The following ARHGAP12 variants were observed in gnomAD, a reference collection of about 807,000 sequenced individuals.
ARHGAP12 encodes Rho GTPase activating protein 12.
A neutral mutation model predicts 108.6 loss-of-function variants in ARHGAP12; 64 were observed. That is an observed-to-expected ratio of 0.59 (90% CI 0.48 to 0.73). ARHGAP12 has a LOEUF of 0.73. Ranked by LOEUF, ARHGAP12 falls within the 30% of genes least tolerant of loss-of-function variation. The pLI is 0.00. For synonymous variants in ARHGAP12, 312 were observed against 337.2 expected (o/e 0.93, Z 0.82); for missense variants, 940 against 1,005.9 (o/e 0.93, Z 0.89).
At chr10:31,914,355 G>A (rs1438421026) in intron 1 of ARHGAP12, among the ~76,000 whole-genome samples, 1 of 151,814 alleles carries the variant, frequency 6.6e-6, no homozygotes, top group Non-Finnish European at 1.5e-5. Flanking sequence ...TATATGGTGA[G>A]AGAGAATCTA....
intron 6 of ARHGAP12, among the ~76,000 whole-genome samples, chr10:31,846,004 T>C (rs116636270): frequency 0.022 from 3,309 of 152,298 alleles, 141 homozygotes; most frequent in African/African-American, 0.075. Context: ...CAATTTTTAC[T>C]ATTATATTTT....
chr10:31,816,640 C>G (rs893705121), intron 13 of ARHGAP12, among the ~76,000 whole-genome samples: 2 of 152,064 alleles, frequency 1.3e-5, no homozygotes, highest in African/African-American at 2.4e-5. Flanking sequence ...GGGCCTACAC[C>G]GCTGAATTTT....
At chr10:31,894,456 A>T (rs1461568283) in intron 3 of ARHGAP12, among the ~76,000 whole-genome samples, 2 of 152,148 alleles carry the variant, frequency 1.3e-5, no homozygotes, top group African/African-American at 4.8e-5. Context: ...CACCAATAAC[A>T]GACAAACAGA....
Position 31,852,582 on chromosome 10 carries a change from C to T in ARHGAP12, c.1105G>A (p.Asp369Asn), listed in dbSNP as rs1564390238. The T allele has an allele frequency of 1.2e-6, 2 of 1,612,890 alleles. No homozygotes were observed. The highest frequency in any genetic ancestry group is 1.7e-6 in the Non-Finnish European group (2 of 1,179,072). ...YTNEKWLKHV[D>N]DQGRQYYYSA... ...TAGTAATATTGTCTACCTTGATCATCAACATGCTTGAGCCACTATAAAAAC... is the reference window on the plus strand; with the variant it reads ...TAGTAATATTGTCTACCTTGATCATTAACATGCTTGAGCCACTATAAAAAC... Residue 369 changes from aspartate (D) to asparagine (N), a missense_variant, in exon 6 of 20, where the codon GAT becomes AAT. Physicochemically the swap from Asp to Asn is conservative, Grantham distance 23. Transcript: ENST00000344936.
chr10:31,920,712 C>G (rs562022828), intron 1 of ARHGAP12, among the ~76,000 whole-genome samples: 49 of 152,074 alleles, frequency 3.2e-4, no homozygotes, highest in Non-Finnish European at 6.6e-4. Flanking sequence ...ACAGTGCTGG[C>G]AAGTATTCCA....
At chr10:31,845,427 T>C (rs146439378) in intron 6 of ARHGAP12, among the ~76,000 whole-genome samples, 285 of 152,324 alleles carry the variant, frequency 1.9e-3, no homozygotes, top group African/African-American at 6.6e-3. Flanking sequence ...AATCTCACCG[T>C]GAAGTATGAG....
chr10:31,854,265 G>T (rs1444933482), intron 4 of ARHGAP12, 59 bp from the exon 5 acceptor site: 13 of 1,423,388 alleles, frequency 9.1e-6, no homozygotes, highest in South Asian at 1.4e-5. Flanking sequence ...TGAATTGGTT[G>T]AAAATCTAAT....
At chr10:31,891,415 C>G (rs911227667) in intron 3 of ARHGAP12, among the ~76,000 whole-genome samples, 1 of 152,248 alleles carries the variant, frequency 6.6e-6, no homozygotes, top group African/African-American at 2.4e-5. Context: ...GGCTCCCACT[C>G]TCTTCTGGCT....
intron 3 of ARHGAP12, among the ~76,000 whole-genome samples, chr10:31,862,717 C>CAG (rs1564397183): frequency 1.5e-5 from 2 of 129,164 alleles, no homozygotes; most frequent in South Asian, 2.2e-4. Context: ...CACACACACA[C>CAG]ACACACACAC....
At chr10:31,896,308 G>T (rs1287376303) in intron 3 of ARHGAP12, among the ~76,000 whole-genome samples, 2 of 94,784 alleles carry the variant, frequency 2.1e-5, no homozygotes, top group Non-Finnish European at 4.9e-5. Flanking sequence ...TTTTTACTTT[G>T]AAAAAAAAAA....
chr10:31,886,273 CA>C (rs1838185625), intron 3 of ARHGAP12, among the ~76,000 whole-genome samples: 2 of 152,148 alleles, frequency 1.3e-5, no homozygotes, highest in African/African-American at 4.8e-5. Context: ...TTAATGTACA[CA>C]TTTTTTTAAT....
intron 1 of ARHGAP12, among the ~76,000 whole-genome samples, chr10:31,918,611 G>A (rs1332684321): frequency 2.0e-5 from 3 of 152,196 alleles, no homozygotes; most frequent in Non-Finnish European, 4.4e-5. Context: ...GTAGGCTGAA[G>A]TGAAAGAATC....
At chr10:31,827,296 T>C (rs2132188890) in intron 10 of ARHGAP12, among the ~76,000 whole-genome samples, 1 of 152,332 alleles carries the variant, frequency 6.6e-6, no homozygotes, top group African/African-American at 2.4e-5. Flanking sequence ...CAAAACAGTT[T>C]TTATTTTTAT....
intron 9 of ARHGAP12, among the ~76,000 whole-genome samples, chr10:31,835,679 T>G (rs946921650): frequency 1.3e-5 from 2 of 152,216 alleles, no homozygotes; most frequent in African/African-American, 4.8e-5. Flanking sequence ...TCAAAATCCT[T>G]ATCTTCAGTT....
chr10:31,898,410 A>G (rs753069065), intron 3 of ARHGAP12, among the ~76,000 whole-genome samples: 9 of 152,188 alleles, frequency 5.9e-5, no homozygotes, highest in Non-Finnish European at 1.2e-4. Flanking sequence ...GCCAGATAAT[A>G]AAAAGTATTG....
At chr10:31,914,707 T>C (rs1335030014) in intron 1 of ARHGAP12, among the ~76,000 whole-genome samples, 2 of 152,152 alleles carry the variant, frequency 1.3e-5, no homozygotes, top group African/African-American at 4.8e-5. Context: ...AAAATTAGTA[T>C]TGCCATAATG....
chr10:31,922,446 A>G (rs1839865138), intron 1 of ARHGAP12, among the ~76,000 whole-genome samples: 1 of 150,714 alleles, frequency 6.6e-6, no homozygotes, highest in South Asian at 2.1e-4. Flanking sequence ...TCTGTTGCCC[A>G]GGCTGGAGTG....
intron 4 of ARHGAP12, among the ~76,000 whole-genome samples, chr10:31,856,077 T>C (rs1006994275): frequency 1.3e-5 from 2 of 152,082 alleles, no homozygotes; most frequent in East Asian, 1.9e-4. Flanking sequence ...CTAGTACAAA[T>C]ATGAGGGGGC....
intron 3 of ARHGAP12, among the ~76,000 whole-genome samples, chr10:31,863,671 A>T (rs924827686): frequency 6.6e-6 from 1 of 152,266 alleles, no homozygotes; most frequent in African/African-American, 2.4e-5. Context: ...TATCCTAAAT[A>T]AAACATTAGA....
Sources: allele counts gnomAD v4.1 joint callset (sites outside exome capture counted in the v4.1 genomes callset), GRCh38; gene constraint gnomAD v4.1.1; transcripts MANE v1.5; gene names NCBI Gene and HGNC (gene_info 2026-07-23, HGNC 2026-07-21).